Variants in PEX5L observed in about 807,000 individuals in gnomAD.
PEX5L encodes the protein peroxisomal biogenesis factor 5 like, also known as PEX5-related protein.
A neutral mutation model predicts 84.0 loss-of-function variants in PEX5L; 30 were observed. The ratio of observed to expected loss-of-function variants is 0.36; its 90% CI spans 0.27 to 0.48. The LOEUF (loss-of-function observed/expected upper bound fraction) is 0.48. Among genes scored for constraint, PEX5L ranks in the 20% least tolerant of loss-of-function variants. The pLI is 0.99. For missense variants in PEX5L, 533 were observed against 754.6 expected, an observed-to-expected ratio of 0.71 and a Z score of 3.44; for synonymous variants, 270 against 283.1, an observed-to-expected ratio of 0.95 and a Z score of 0.46.
intron 7 of PEX5L, among the ~76,000 whole-genome samples, chr3:179,871,940 G>A (rs1437324848): frequency 2.6e-5 from 4 of 152,134 alleles, no homozygotes; most frequent in Non-Finnish European, 4.4e-5. Context: ...ATGCTGGAGT[G>A]CAGTGGCTCA....
At position 179,854,011 on chromosome 3, in the gene PEX5L, C is replaced by T. The variant is rs546590456; in HGVS notation, c.822+5051G>A. Among the ~76,000 whole-genome samples the T allele has an allele frequency of 2.6e-4, 37 of 144,352 alleles. 1 individual carries two copies. Among genetic ancestry groups the T allele is most frequent in the African/African-American group, 9.1e-4 (36 of 39,544 alleles). The allele number at this position is 144,352 out of a possible 152,430, so 94.7% of individuals were successfully genotyped here. On this transcript the variant is annotated intron_variant, in intron 8 of 14. Transcript: ENST00000467460. ...GTCTTTTTGTAGAGATGAGGTTTCA[C>T]CTTGTTGCCCAGGCTGGTCTCAAAC... is the stretch of plus-strand genomic sequence containing the variant.
chr3:179,826,324 A>C (rs559634682), intron 8 of PEX5L, among the ~76,000 whole-genome samples: 15 of 152,232 alleles, frequency 9.9e-5, no homozygotes, highest in Non-Finnish European at 2.1e-4. Context: ...ATGTTGTCTA[A>C]ATAGGAAGGG....
chr3:180,026,963 C>T (rs1791012094), intron 1 of PEX5L, among the ~76,000 whole-genome samples: 1 of 152,292 alleles, frequency 6.6e-6, no homozygotes, highest in South Asian at 2.1e-4. Flanking sequence ...TATCTTGGAG[C>T]CCCGGTATGA....
intron 2 of PEX5L, among the ~76,000 whole-genome samples, chr3:179,913,789 C>A (rs1307365026): frequency 1.3e-5 from 2 of 152,064 alleles, no homozygotes; most frequent in Non-Finnish European, 2.9e-5. Flanking sequence ...AACTTGGATT[C>A]GTGTATTACA....
At chr3:179,920,982 G>A (rs1769178241) in intron 2 of PEX5L, among the ~76,000 whole-genome samples, 1 of 151,964 alleles carries the variant, frequency 6.6e-6, no homozygotes, top group African/African-American at 2.4e-5. Context: ...ATTTTCCTAA[G>A]CCCCTTACTA....
intron 8 of PEX5L, among the ~76,000 whole-genome samples, chr3:179,824,727 A>G (rs2109018564): frequency 6.6e-6 from 1 of 152,016 alleles, no homozygotes; most frequent in Admixed American, 6.6e-5. Flanking sequence ...AAAAAAAAAA[A>G]AAGCAGTACT....
At chr3:179,973,568 C>G (rs1785296902) in intron 1 of PEX5L, 1 of 977,534 alleles carries the variant, frequency 1.0e-6, no homozygotes, top group South Asian at 4.7e-5. Context: ...CATATGGACT[C>G]TTCAGCCTCC....
intron 2 of PEX5L, among the ~76,000 whole-genome samples, chr3:179,966,632 T>C (rs1783414162): frequency 6.6e-6 from 1 of 152,178 alleles, no homozygotes; most frequent in African/African-American, 2.4e-5. Flanking sequence ...TTTAATTTCA[T>C]GTTGGCCTAT....
chr3:179,879,903 T>A (rs1404810731), intron 5 of PEX5L, 26 bp downstream of exon 5: 2 of 1,504,574 alleles, frequency 1.3e-6, no homozygotes, highest in South Asian at 1.3e-5. Context: ...AGGTTGAGCA[T>A]CCATAGCCGC....
chr3:179,980,254 G>A (rs1786199768), intron 1 of PEX5L, among the ~76,000 whole-genome samples: 1 of 152,076 alleles, frequency 6.6e-6, no homozygotes, highest in Non-Finnish European at 1.5e-5. Context: ...ACATGTATGT[G>A]ACTGAATGGC....
chr3:179,806,764 C>T (rs1402147539), intron 14 of PEX5L, among the ~76,000 whole-genome samples: 2 of 152,176 alleles, frequency 1.3e-5, no homozygotes, highest in African/African-American at 2.4e-5. Flanking sequence ...ATCATTACCT[C>T]TTTCTCTCTC....
intron 2 of PEX5L, among the ~76,000 whole-genome samples, chr3:179,916,603 T>G (rs1358723055): frequency 1.3e-5 from 2 of 152,174 alleles, no homozygotes; most frequent in African/African-American, 4.8e-5. Context: ...AAAATTTTTC[T>G]TTCCTCAATA....
intron 3 of PEX5L, among the ~76,000 whole-genome samples, chr3:179,890,715 A>G (rs561043734): frequency 1.3e-5 from 2 of 152,306 alleles, no homozygotes; most frequent in Non-Finnish European, 2.9e-5. Context: ...TTATCCCTAA[A>G]TCACAGTTCT....
chr3:179,900,860 G>T (rs1345645920), intron 2 of PEX5L: 3 of 635,790 alleles, frequency 4.7e-6, no homozygotes, highest in Admixed American at 5.2e-5. Flanking sequence ...ACAGTCTGAG[G>T]ACAGAATGGG....
At chr3:179,831,172 G>A (rs544194940) in intron 8 of PEX5L, among the ~76,000 whole-genome samples, 47 of 151,930 alleles carry the variant, frequency 3.1e-4, no homozygotes, top group African/African-American at 9.4e-4. Context: ...AAAATTAGCC[G>A]GGCATGGTGG....
At chr3:180,004,182 A>G (rs75662101) in intron 1 of PEX5L, among the ~76,000 whole-genome samples, 2,817 of 152,312 alleles carry the variant, frequency 0.018, 93 homozygotes, top group African/African-American at 0.065. Context: ...TAAATCCTGA[A>G]TATCTTACCA....
At chr3:179,932,773 CGATAT>C (rs1773449172) in intron 2 of PEX5L, among the ~76,000 whole-genome samples, 1 of 151,960 alleles carries the variant, frequency 6.6e-6, no homozygotes, top group South Asian at 2.1e-4. Flanking sequence ...TTATAATGTA[CGATAT>C]GATGTTTTGA....
At chr3:179,973,034 A>T in intron 1 of PEX5L, 1 of 372,934 alleles carries the variant, frequency 2.7e-6, no homozygotes, top group Non-Finnish European at 4.4e-6. Context: ...AGTCAAGCTG[A>T]CTTCCTTCCT....
intron 2 of PEX5L, among the ~76,000 whole-genome samples, chr3:179,914,656 G>A (rs1324025170): frequency 6.6e-6 from 1 of 152,196 alleles, no homozygotes; most frequent in African/African-American, 2.4e-5. Context: ...TCCAAAGTCA[G>A]GTTACAGAAT....
Sources: gnomAD v4.1 joint callset for allele counts (sites outside exome capture counted in the v4.1 genomes callset) on GRCh38, gnomAD v4.1.1 for gene constraint, MANE v1.5 for transcripts, NCBI Gene and HGNC (gene_info 2026-07-23, HGNC 2026-07-21) for gene names.